The following KCNAB3 variants were observed in gnomAD, a reference collection of about 807,000 sequenced individuals.
The protein encoded by KCNAB3 is potassium voltage-gated channel subfamily A regulatory beta subunit 3, also known as voltage-gated potassium channel subunit beta-3.
A neutral mutation model predicts 67.7 loss-of-function variants in KCNAB3; 62 were observed. That is an observed-to-expected ratio of 0.92 (90% CI 0.75 to 1.13). The LOEUF is 1.13. Ranked by LOEUF, KCNAB3 falls within the 50% of genes most tolerant of loss-of-function variation. The pLI is 0.00. For synonymous variants in KCNAB3, 212 were observed against 205.4 expected (o/e 1.03, Z -0.27); for missense variants, 514 against 522.9 (o/e 0.98, Z 0.17).
chr17:7,923,926 C>A, intron 11 of KCNAB3, 42 bp downstream of exon 11: 1 of 1,590,066 alleles, frequency 6.3e-7, no homozygotes, highest in Middle Eastern at 1.7e-4. Flanking sequence ...CCAAAGCAGC[C>A]CATATAGCCC....
Position 7,929,821 on chromosome 17 carries a change from CT to C in KCNAB3, c.-387del. On this transcript the variant is annotated 5_prime_UTR_variant, in exon 1 of 14. Coordinates refer to ENST00000303790, the MANE Select transcript of KCNAB3 (RefSeq NM_004732.4). The surrounding 1 kb of genome is among the most constrained non-coding windows in gnomAD (Gnocchi z 5.7). The stretch of plus-strand genomic sequence containing the variant: ...TCAGCGCGAACCGCTGCGGGACCCG[CT>C]GGGCTCCCAGCCGCGTCGGCAGCGG... 1.9e-6 allele frequency: 2 copies of C among 1,068,904 alleles called. No homozygotes were observed. Among genetic ancestry groups the C allele is most frequent in the Admixed American group, 5.2e-5 (1 of 19,194 alleles). 66.2% of individuals were successfully genotyped at this position (1,068,904 alleles called of 1,614,324 possible).
chr17:7,926,195 A>G, intron 4 of KCNAB3, 92 bp from the exon 5 acceptor site: 1 of 1,476,886 alleles, frequency 6.8e-7, no homozygotes, highest in Admixed American at 1.7e-5. Context: ...GCAAAGTAGG[A>G]TATAAACCAG....
rs751620082 is a variant in KCNAB3, at chr17:7,923,409, C to A, written c.1137+47G>T. 3.8e-5 allele frequency: 59 copies of A among 1,565,530 alleles called. 1 individual carries two copies. In the South Asian group the frequency reaches 6.7e-4, roughly 18 times the overall value. On this transcript the variant is annotated intron_variant, in intron 13 of 13. Coordinates refer to ENST00000303790, the MANE Select transcript of KCNAB3 (RefSeq NM_004732.4). ...TGGGTTGGATAGCGTGGCTTTGACT[C>A]CTGGGGAGGGGGACAGATAGGCTCT...
In KCNAB3 at chr17:7,922,805, G is replaced by GTGTAGATCTC; in HGVS notation, c.*296_*297insGAGATCTACA. The GTGTAGATCTC allele has an allele frequency of 4.0e-6, 2 of 502,518 alleles. No homozygotes were observed. The highest frequency in any genetic ancestry group is 3.2e-5 in the Admixed American group (1 of 30,992). The allele number at this position is 502,518 out of a possible 1,614,324, so 31.1% of individuals were successfully genotyped here. A position where few individuals can be genotyped will look rare whatever the true frequency, so the allele number is the denominator to read the frequency against. ...CCTCGGGAATAAGGGGAGGAGAGTA[G>GTGTAGATCTC]GGAGCGAGACGAAGTGGCAGAGAGC... On this transcript the variant is annotated 3_prime_UTR_variant, in exon 14 of 14. Transcript: ENST00000303790.
At position 7,927,381 on chromosome 17, in the gene KCNAB3, T is replaced by G. The variant is rs771263719; in HGVS notation, c.367A>C (p.Asn123His). 3.1e-6 allele frequency: 5 copies of G among 1,613,850 alleles called. No homozygotes were observed. The highest frequency in any genetic ancestry group is 4.2e-6 in the Non-Finnish European group (5 of 1,180,012). Residue 123 changes from asparagine (N) to histidine (H), a missense_variant, in exon 4 of 14, where the codon AAC becomes CAC. Asn to His is a moderately conservative substitution (Grantham distance 68). Transcript: ENST00000303790. ...TACACTTCGGCGGTGTCAAACAGGT[T>G]TACACCATGCTCATAGGCTACAGTC... ...VLTVAYEHGVNLFDTAEVYAA... is the reference protein window; with the variant it reads ...VLTVAYEHGVHLFDTAEVYAA...
rs1972082438 is a variant in KCNAB3, at chr17:7,922,929, G to A, written c.*173C>T. On this transcript the variant is annotated 3_prime_UTR_variant, in exon 14 of 14. Transcript: ENST00000303790. ...TTTCTCTCTCGACCCCACTGCAAAA[G>A]GATATGGCTTTGTTCATGCGTATCA... 3 of 640,042 alleles carry A rather than the reference G, an allele frequency of 4.7e-6. No individual in the cohort carries two copies. The highest frequency in any genetic ancestry group is 8.4e-6 in the Non-Finnish European group (3 of 355,162). The allele number at this position is 640,042 out of a possible 1,614,324, so 39.6% of individuals were successfully genotyped here.
chr17:7,928,147 G>T, intron 1 of KCNAB3: 2 of 497,458 alleles, frequency 4.0e-6, no homozygotes, highest in South Asian at 4.6e-5. Flanking sequence ...AGTCATCTGT[G>T]GGTTGTGTGC....
rs1160693502 is a variant in KCNAB3 at position 7,924,519 on chromosome 17, G to A, written c.626-19C>T. ...ACAATCTCTAGGTACACAGGAGAGG[G>A]AAAGCCTTACTGTCAGAGCCCTGGA... is the stretch of plus-strand genomic sequence containing the variant. On this transcript the variant is annotated intron_variant, in intron 8 of 13. Coordinates refer to ENST00000303790, the MANE Select transcript of KCNAB3 (RefSeq NM_004732.4). 1.2e-6 allele frequency: 2 copies of A among 1,604,396 alleles called. No individual in the cohort carries two copies. The highest frequency in any genetic ancestry group is 3.4e-5 in the Admixed American group (2 of 58,876).
At chr17:7,926,516 T>G (rs1598036195) in intron 4 of KCNAB3, among the ~76,000 whole-genome samples, 1 of 152,218 alleles carries the variant, frequency 6.6e-6, no homozygotes, top group Non-Finnish European at 1.5e-5. Context: ...TCATCCATAA[T>G]GTGTTCTCTG....
chr17:7,922,983 C>T lies in KCNAB3; in HGVS notation c.*119G>A, dbSNP rs1598031115. On this transcript the variant is annotated 3_prime_UTR_variant, in exon 14 of 14. Transcript: ENST00000303790. ...CTCGAAGCCGGGACTCGTTGGTGGGCGGGGCTAGTCTGGCTCCGGCCGCTG... is the reference window on the plus strand; with the variant it reads ...CTCGAAGCCGGGACTCGTTGGTGGGTGGGGCTAGTCTGGCTCCGGCCGCTG... 1.1e-6 allele frequency: 1 copy of T among 887,704 alleles called. No homozygotes were observed. Among genetic ancestry groups the T allele is most frequent in the East Asian group, 2.4e-5 (1 of 41,018 alleles). The allele number at this position is 887,704 out of a possible 1,614,324, so 55.0% of individuals were successfully genotyped here.
At chr17:7,924,590 C>T in intron 8 of KCNAB3, 90 bp from the exon 9 acceptor site, 15 of 1,496,676 alleles carry the variant, frequency 1.0e-5, no homozygotes, top group Non-Finnish European at 1.3e-5. Flanking sequence ...CCACCAAGGC[C>T]CCAGGCAACT....
chr17:7,927,290 T>G, intron 4 of KCNAB3, 54 bp downstream of exon 4: 24 of 1,481,702 alleles, frequency 1.6e-5, no homozygotes, highest in Non-Finnish European at 2.1e-5. Context: ...AGATAATCCC[T>G]GGGGTCCTCT....
chr17:7,927,874 C>T lies in KCNAB3; in HGVS notation c.243-48G>A, dbSNP rs773022068. The T allele has an allele frequency of 2.5e-6, 4 of 1,609,298 alleles. 1 individual carries two copies. Among genetic ancestry groups the T allele is most frequent in the South Asian group, 1.1e-5 (1 of 90,966 alleles). On this transcript the variant is annotated intron_variant, in intron 1 of 13. Coordinates refer to ENST00000303790, the MANE Select transcript of KCNAB3 (RefSeq NM_004732.4). ...GAAGGGGTGGAGCCTCCATTATGGACTTAGATTATCAGCCCCCAGCTCCTC... is the reference window on the plus strand; with the variant it reads ...GAAGGGGTGGAGCCTCCATTATGGATTTAGATTATCAGCCCCCAGCTCCTC...
At position 7,929,258 on chromosome 17, in the gene KCNAB3, G is replaced by A; in HGVS notation, c.178C>T (p.Arg60Ter). 1.2e-6 allele frequency: 2 copies of A among 1,607,508 alleles called. No individual in the cohort carries two copies. The highest frequency in any genetic ancestry group is 1.7e-6 in the Non-Finnish European group (2 of 1,177,720). The change falls in exon 1 of 14, where the codon CGA (arginine) becomes TGA (stop). Residue 60 changes from arginine (R) to a stop codon, truncating the protein, a stop_gained. Transcript: ENST00000303790. LOFTEE classifies it high-confidence loss of function. The surrounding 1 kb of genome is among the most constrained non-coding windows in gnomAD (Gnocchi z 5.7). ...AGGGCCCCAGCGGGCGCTGGGGGTC[G>A]GGGAACCAGTGCAGCTCGGGCCTTG... ...GPKARAALVP[R>*]PPAPAGALRE...
intron 4 of KCNAB3, 60 bp from the exon 5 acceptor site, chr17:7,926,163 C>T (rs1972225007): frequency 1.3e-6 from 2 of 1,588,482 alleles, no homozygotes; most frequent in African/African-American, 1.3e-5. Context: ...TCCTTCCTCT[C>T]CTCCCCACCT....
intron 4 of KCNAB3, among the ~76,000 whole-genome samples, chr17:7,926,646 G>A (rs1972242031): frequency 6.6e-6 from 1 of 152,198 alleles, no homozygotes. Context: ...GACTGTTACT[G>A]AAATGTTTTA....
chr17:7,928,108 T>C (rs943955533), intron 1 of KCNAB3: 15 of 564,006 alleles, frequency 2.7e-5, no homozygotes, highest in African/African-American at 1.9e-4. Context: ...GTCTGGTTTG[T>C]CCTTCTTCTG....
In KCNAB3 at chr17:7,929,820, G is replaced by GTA; in HGVS notation, c.-386_-385insTA. 4.9e-6 allele frequency: 5 copies of GTA among 1,022,708 alleles called. No individual in the cohort carries two copies. The highest frequency in any genetic ancestry group is 3.7e-5 in the South Asian group (1 of 27,030). 63.4% of individuals were successfully genotyped at this position (1,022,708 alleles called of 1,614,324 possible). A position where few individuals can be genotyped will look rare whatever the true frequency, so the allele number is the denominator to read the frequency against. On this transcript the variant is annotated 5_prime_UTR_variant, in exon 1 of 14. Transcript: ENST00000303790. The surrounding 1 kb of genome is among the most constrained non-coding windows in gnomAD (Gnocchi z 5.7). Reference sequence around the variant, plus strand: ...TTCAGCGCGAACCGCTGCGGGACCCGCTGGGCTCCCAGCCGCGTCGGCAGC... The same window carrying GTA: ...TTCAGCGCGAACCGCTGCGGGACCCGTACTGGGCTCCCAGCCGCGTCGGCAGC...
Position 7,923,538 on chromosome 17 carries a change from CA to C in KCNAB3, c.1054del (p.Cys352ValfsTer20). On this transcript the variant is annotated frameshift_variant, in exon 13 of 14. Coordinates refer to ENST00000303790, the MANE Select transcript of KCNAB3 (RefSeq NM_004732.4). LOFTEE classifies it high-confidence loss of function. Reference sequence around the variant, plus strand: ...AGAGCTGACACCCTCACTGCGGAGACACCACGCTGGGGCCAGAGGAGGAAAA... The same window carrying C: ...AGAGCTGACACCCTCACTGCGGAGACCCACGCTGGGGCCAGAGGAGGAAAA... ...CTVAQLAIAW[C>X]LRSEGVSSVL... 1 of 1,608,392 alleles carries C rather than the reference CA, an allele frequency of 6.2e-7. No homozygotes were observed. The highest frequency in any genetic ancestry group is 8.5e-7 in the Non-Finnish European group (1 of 1,177,498).
Sources: allele counts gnomAD v4.1 joint callset (sites outside exome capture counted in the v4.1 genomes callset), GRCh38; gene constraint gnomAD v4.1.1; non-coding constraint Gnocchi (gnomAD v3.1); transcripts MANE v1.5; gene names NCBI Gene and HGNC (gene_info 2026-07-23, HGNC 2026-07-21).